Variants in MAPKAP1 observed in about 807,000 individuals in gnomAD.
MAPKAP1 encodes target of rapamycin complex 2 subunit MAPKAP1.
A neutral mutation model predicts 65.7 loss-of-function variants in MAPKAP1; 20 were observed. The ratio of observed to expected loss-of-function variants is 0.30; its 90% confidence interval spans 0.21 to 0.44. The LOEUF (loss-of-function observed/expected upper bound fraction) is 0.44, where lower values mean the gene tolerates loss of function less well. MAPKAP1 is among the 20% of genes least tolerant of loss of function. The probability of loss-of-function intolerance (pLI) is 1.00; values close to 1 mark genes in which losing one functional copy is unlikely to be tolerated. For missense variants in MAPKAP1, 423 were observed against 648.0 expected, an observed-to-expected ratio of 0.65 and a Z score of 3.77; for synonymous variants, 222 against 244.3, an observed-to-expected ratio of 0.91 and a Z score of 0.85.
At chr9:125,567,113 T>A (rs1831081467) in intron 5 of MAPKAP1, among the ~76,000 whole-genome samples, 1 of 152,152 alleles carries the variant, frequency 6.6e-6, no homozygotes, top group Non-Finnish European at 1.5e-5. Context: ...CCTTGTGAAT[T>A]CCATTTCTCA....
chr9:125,587,925 T>G (rs762661682), intron 4 of MAPKAP1, among the ~76,000 whole-genome samples: 3 of 152,096 alleles, frequency 2.0e-5, no homozygotes, highest in Non-Finnish European at 4.4e-5. Flanking sequence ...ATAGCAAGGA[T>G]TTGTGAGGAT....
intron 5 of MAPKAP1, among the ~76,000 whole-genome samples, chr9:125,583,519 T>C (rs1230890567): frequency 6.6e-6 from 1 of 152,224 alleles, no homozygotes; most frequent in South Asian, 2.1e-4. Context: ...ATTTCACCTA[T>C]AACAGAGTTC....
chr9:125,594,639 A>T (rs1006755639), intron 4 of MAPKAP1, among the ~76,000 whole-genome samples: 1 of 152,172 alleles, frequency 6.6e-6, no homozygotes, highest in African/African-American at 2.4e-5. Flanking sequence ...CTCCTCCCCT[A>T]ACAATTTGAT....
chr9:125,698,288 A>AATATATATATATATAT (rs57303829), intron 1 of MAPKAP1, among the ~76,000 whole-genome samples: 1 of 49,036 alleles, frequency 2.0e-5, no homozygotes, highest in Non-Finnish European at 3.4e-5. Context: ...AATATATATA[A>AATATATATATATATAT]ATATATATAT....
intron 4 of MAPKAP1, among the ~76,000 whole-genome samples, chr9:125,622,998 G>A (rs1438929675): frequency 1.3e-5 from 2 of 152,042 alleles, no homozygotes; most frequent in Non-Finnish European, 2.9e-5. Flanking sequence ...GGGTTTCGCT[G>A]TGTTGGCCGG....
chr9:125,616,737 TA>T (rs1832757693), intron 4 of MAPKAP1, among the ~76,000 whole-genome samples: 1 of 152,174 alleles, frequency 6.6e-6, no homozygotes, highest in Admixed American at 6.5e-5. Flanking sequence ...CACATGGGAA[TA>T]ACCACTTTGT....
At chr9:125,585,087 C>A (rs979015921) in intron 5 of MAPKAP1, among the ~76,000 whole-genome samples, 1 of 152,172 alleles carries the variant, frequency 6.6e-6, no homozygotes, top group African/African-American at 2.4e-5. Flanking sequence ...CCTGACTCTG[C>A]CATCTCTCAC....
chr9:125,468,122 G>A lies in MAPKAP1; in HGVS notation c.1208-13C>T. 1 of 1,612,796 alleles carries A rather than the reference G, an allele frequency of 6.2e-7. No homozygotes were observed. The highest frequency in any genetic ancestry group is 8.5e-7 in the Non-Finnish European group (1 of 1,179,406). On this transcript the variant is annotated splice_polypyrimidine_tract_variant and intron_variant, in intron 9 of 11. Transcript: ENST00000265960. ...TCTCCAGAGATACCTGTAAGCCAAG[G>A]TGAGGACACAAAAGAAAACACAAGA... is the stretch of plus-strand genomic sequence containing the variant.
chr9:125,611,697 G>A (rs1479801745), intron 4 of MAPKAP1, among the ~76,000 whole-genome samples: 1 of 152,138 alleles, frequency 6.6e-6, no homozygotes, highest in Non-Finnish European at 1.5e-5. Context: ...CTATTTGAAA[G>A]GGAGGAAAAC....
intron 7 of MAPKAP1, among the ~76,000 whole-genome samples, chr9:125,512,451 T>C (rs1829328854): frequency 6.6e-6 from 1 of 152,226 alleles, no homozygotes; most frequent in Non-Finnish European, 1.5e-5. Context: ...GCACTAAATG[T>C]TCGTGTGACT....
At chr9:125,523,819 T>A (rs756207523) in intron 7 of MAPKAP1, among the ~76,000 whole-genome samples, 8 of 152,182 alleles carry the variant, frequency 5.3e-5, no homozygotes, top group Admixed American at 2.6e-4. Flanking sequence ...GCTTCCCTGG[T>A]CCTTGCTGCC....
intron 5 of MAPKAP1, among the ~76,000 whole-genome samples, chr9:125,576,280 G>A (rs1831393173): frequency 6.6e-6 from 1 of 152,132 alleles, no homozygotes; most frequent in Admixed American, 6.5e-5. Flanking sequence ...ATGTATAACT[G>A]CTGGCTTTTG....
chr9:125,655,756 TAG>T (rs1196957979), intron 4 of MAPKAP1, among the ~76,000 whole-genome samples: 1 of 152,222 alleles, frequency 6.6e-6, no homozygotes, highest in East Asian at 1.9e-4. Flanking sequence ...TCACATAAGA[TAG>T]ACTTATCAAT....
At chr9:125,600,906 A>G (rs1374815664) in intron 4 of MAPKAP1, among the ~76,000 whole-genome samples, 2 of 152,224 alleles carry the variant, frequency 1.3e-5, no homozygotes, top group Non-Finnish European at 2.9e-5. Context: ...TATCAGGGAA[A>G]GGTAATCTGC....
chr9:125,652,153 G>T, intron 4 of MAPKAP1: 2 of 1,311,744 alleles, frequency 1.5e-6, no homozygotes, highest in Non-Finnish European at 2.0e-6. Context: ...GTGGCTTCAT[G>T]CTTTTCTGCA....
At chr9:125,636,901 G>T (rs182172292) in intron 4 of MAPKAP1, among the ~76,000 whole-genome samples, 4 of 152,178 alleles carry the variant, frequency 2.6e-5, no homozygotes, top group African/African-American at 7.2e-5. Context: ...CAAAAATCTC[G>T]TGTCTAGCTA....
intron 5 of MAPKAP1, among the ~76,000 whole-genome samples, chr9:125,583,835 G>A (rs1831696414): frequency 1.3e-5 from 2 of 152,152 alleles, no homozygotes; most frequent in South Asian, 2.1e-4. Flanking sequence ...AGGCCGAGGC[G>A]GGTGGATCAC....
At position 125,439,651 on chromosome 9, in the gene MAPKAP1, T is replaced by A. The variant is rs1030033787; in HGVS notation, c.1444-639A>T. ...AAGAGCCCTGTGTGAAGGGCGGGGC[T>A]GCCTCCTGGGCTCCTCTCAGGCCTT... On this transcript the variant is annotated intron_variant, in intron 11 of 11. Coordinates refer to ENST00000265960, the MANE Select transcript of MAPKAP1 (RefSeq NM_001006617.3). This position sits in a 1 kb window ranked among gnomAD's most constrained non-coding sequence, Gnocchi z 4.0. Among the ~76,000 whole-genome samples, 1 of 152,276 alleles carries A rather than the reference T, an allele frequency of 6.6e-6. No homozygotes were observed. The highest frequency in any genetic ancestry group is 1.5e-5 in the Non-Finnish European group (1 of 68,044).
rs1831061495 is a variant in MAPKAP1, at chr9:125,566,592, GAAAA to G, written c.672-6787_672-6784del. Among the ~76,000 whole-genome samples the G allele has an allele frequency of 8.0e-5, 11 of 137,870 alleles. 1 individual carries two copies. The highest frequency in any genetic ancestry group is 7.7e-4 in the Admixed American group (11 of 14,252). The allele number at this position is 137,870 out of a possible 152,430, so 90.4% of individuals were successfully genotyped here. On this transcript the variant is annotated intron_variant, in intron 5 of 11. Transcript: ENST00000265960. ...AGAAAAAGAAAAAGAAAAAGAAAAA[GAAAA>G]AGAAAAAAGACTTCTTCATTCACTT... is the stretch of plus-strand genomic sequence containing the variant.
Sources: gnomAD v4.1 joint callset for allele counts (sites outside exome capture counted in the v4.1 genomes callset) on GRCh38, gnomAD v4.1.1 for gene constraint, Gnocchi (gnomAD v3.1) non-coding constraint, MANE v1.5 for transcripts, NCBI Gene and HGNC (gene_info 2026-07-23, HGNC 2026-07-21) for gene names.